DGCR8: variants seen among roughly 807,000 people sequenced by gnomAD.
The protein encoded by DGCR8 is DGCR8 microprocessor complex subunit.
A neutral mutation model predicts 78.5 loss-of-function variants in DGCR8; 14 were observed. That is an observed-to-expected ratio of 0.18 (90% CI 0.12 to 0.28). DGCR8 has a LOEUF of 0.28. Ranked by LOEUF, DGCR8 falls within the 10% of genes least tolerant of loss-of-function variation. The pLI, the probability that DGCR8 is intolerant of heterozygous loss-of-function variation, is 1.00. For missense variants in DGCR8, 702 were observed against 1,022.5 expected, an observed-to-expected ratio of 0.69 and a Z score of 4.28; for synonymous variants, 399 against 402.4, an observed-to-expected ratio of 0.99 and a Z score of 0.10.
At chr22:20,107,080 C>T (rs1200722752) in intron 11 of DGCR8, 191 bp from the exon 12 acceptor site, 1 of 632,364 alleles carries the variant, frequency 1.6e-6, no homozygotes, top group African/African-American at 1.8e-5. Flanking sequence ...CTGAGGGCCA[C>T]TCTCTCAAGG....
At position 20,111,311 on chromosome 22, in the gene DGCR8, C is replaced by G; in HGVS notation, c.*1203C>G. 2.5e-6 allele frequency: 1 copy of G among 397,960 alleles called. No homozygotes were observed. Among genetic ancestry groups the G allele is most frequent in the East Asian group, 3.6e-5 (1 of 28,040 alleles). The allele number at this position is 397,960 out of a possible 1,614,324, so 24.7% of individuals were successfully genotyped here. On this transcript the variant is annotated 3_prime_UTR_variant, in exon 14 of 14. Transcript: ENST00000351989. ...TGCGCCATCTGAAGCAAGAGTCCAG[C>G]GTTCTGCCGTGTCTGTCCCCCACCA...
intron 1 of DGCR8, among the ~76,000 whole-genome samples, chr22:20,081,295 C>CG (rs1744752227): frequency 6.6e-6 from 1 of 152,250 alleles, no homozygotes; most frequent in South Asian, 2.1e-4. Flanking sequence ...GCCAGTGCCT[C>CG]TGTTAGCCAA....
intron 9 of DGCR8, among the ~76,000 whole-genome samples, chr22:20,104,461 C>T (rs899152552): frequency 6.6e-6 from 1 of 152,172 alleles, no homozygotes; most frequent in East Asian, 1.9e-4. Flanking sequence ...GCCACCGCGC[C>T]CGGCTGGCGT....
At chr22:20,095,347 C>G (rs2147927784) in intron 9 of DGCR8, among the ~76,000 whole-genome samples, 1 of 152,256 alleles carries the variant, frequency 6.6e-6, no homozygotes, top group African/African-American at 2.4e-5. Context: ...CTCGGGTGAT[C>G]CACTCGCTTC....
At chr22:20,099,227 T>TA (rs2147931973) in intron 9 of DGCR8, among the ~76,000 whole-genome samples, 1 of 152,316 alleles carries the variant, frequency 6.6e-6, no homozygotes, top group South Asian at 2.1e-4. Context: ...TCTCCAGACA[T>TA]ACGCTAGAGC....
At chr22:20,106,959 C>T (rs952903192) in intron 11 of DGCR8, 8 of 574,612 alleles carry the variant, frequency 1.4e-5, no homozygotes, top group Non-Finnish European at 2.5e-5. Flanking sequence ...CCCTCCTCCT[C>T]GAACAGCCAG....
In DGCR8 at chr22:20,082,766, G is replaced by A. The variant is rs185087741; in HGVS notation, c.-278+2383G>A. On this transcript the variant is annotated intron_variant, in intron 1 of 13. Transcript: ENST00000351989. ...AAAGCAGCTCCATCACTTCCTGGCT[G>A]TATGACCTTGAGCATGTGGGTGAAC... Among the ~76,000 whole-genome samples, 16 of 152,360 alleles carry A rather than the reference G, an allele frequency of 1.1e-4. No homozygotes were observed. The East Asian group carries it at 2.5e-3, about 24-fold the overall frequency.
At chr22:20,093,383 C>T (rs898923778) in intron 8 of DGCR8, among the ~76,000 whole-genome samples, 10 of 150,978 alleles carry the variant, frequency 6.6e-5, no homozygotes, top group South Asian at 4.2e-4. Flanking sequence ...CCAGCCTGGG[C>T]GACAGTGCAA....
Position 20,080,291 on chromosome 22 carries a change from C to G in DGCR8, c.-370C>G. The G allele has an allele frequency of 2.0e-6, 2 of 981,100 alleles. No individual in the cohort carries two copies. The highest frequency in any genetic ancestry group is 2.4e-6 in the Non-Finnish European group (2 of 828,186). 60.8% of individuals were successfully genotyped at this position (981,100 alleles called of 1,614,324 possible). On this transcript the variant is annotated 5_prime_UTR_variant, in exon 1 of 14. Transcript: ENST00000351989. ...GGTGCCGGCGACCGGAGAGCCTGGA[C>G]AGGCTTTCCAGATGGCTGCGGCGGT... is the stretch of plus-strand genomic sequence containing the variant.
At chr22:20,096,094 G>A (rs951266614) in intron 9 of DGCR8, among the ~76,000 whole-genome samples, 4 of 152,130 alleles carry the variant, frequency 2.6e-5, no homozygotes, top group East Asian at 1.9e-4. Context: ...TATGCAGCCC[G>A]GTTCCTAACA....
chr22:20,089,854 A>G lies in DGCR8; in HGVS notation c.1023+43A>G, dbSNP rs2049531133. 1.2e-6 allele frequency: 2 copies of G among 1,609,048 alleles called. No homozygotes were observed. Among genetic ancestry groups the G allele is most frequent in the African/African-American group, 1.3e-5 (1 of 74,684 alleles). ...CGTGACTTTAGGCTTGTAAGTTCTC[A>G]GACCAAAACGTGCACATCCACACAC... On this transcript the variant is annotated intron_variant, in intron 4 of 13. Transcript: ENST00000351989. This position sits in a 1 kb window ranked among gnomAD's most constrained non-coding sequence, Gnocchi z 4.9.
chr22:20,097,377 A>G (rs1268000640), intron 9 of DGCR8, among the ~76,000 whole-genome samples: 1 of 152,068 alleles, frequency 6.6e-6, no homozygotes, highest in African/African-American at 2.4e-5. Flanking sequence ...GAGATTATCT[A>G]TTTCTTCTTG....
chr22:20,105,941 C>G (rs759137211), intron 9 of DGCR8, among the ~76,000 whole-genome samples: 4 of 152,158 alleles, frequency 2.6e-5, no homozygotes, highest in Non-Finnish European at 4.4e-5. Context: ...ATACCAGACT[C>G]CATCCCACAG....
chr22:20,100,813 G>A (rs913854732), intron 9 of DGCR8: 60 of 985,194 alleles, frequency 6.1e-5, no homozygotes, highest in Non-Finnish European at 7.0e-5. Flanking sequence ...CCCCTACTCC[G>A]ATCCTCCCAC....
chr22:20,099,021 T>TC (rs2049663899), intron 9 of DGCR8, among the ~76,000 whole-genome samples: 2 of 152,206 alleles, frequency 1.3e-5, no homozygotes, highest in African/African-American at 4.8e-5. Flanking sequence ...AGCTGAGTGG[T>TC]CTCCTGATGC....
Position 20,110,363 on chromosome 22 carries a change from G to A in DGCR8, c.*255G>A, listed in dbSNP as rs962335974. 1.2e-5 allele frequency: 6 copies of A among 506,362 alleles called. No individual in the cohort carries two copies. The highest frequency in any genetic ancestry group is 1.2e-4 in the African/African-American group (6 of 51,724). The allele number at this position is 506,362 out of a possible 1,614,324, so 31.4% of individuals were successfully genotyped here. On this transcript the variant is annotated 3_prime_UTR_variant, in exon 14 of 14. Transcript: ENST00000351989. ...GGACTCAGCGACTGCACCAGTGGCA[G>A]CTGGTGACTGTGGACAGTGGTGGAC...
rs185111027 is a variant in DGCR8 at position 20,090,069 on chromosome 22, A to G, written c.1117A>G (p.Ser373Gly). Reference protein sequence around the residue: ...EREQSSDLTPSGDVSPVKPLS... With the variant: ...EREQSSDLTPGGDVSPVKPLS... ...GGAGCAAAGCAGTGACCTCACCCCTAGTGGGGATGTGTCCCCCGTCAAGCC... is the reference window on the plus strand; with the variant it reads ...GGAGCAAAGCAGTGACCTCACCCCTGGTGGGGATGTGTCCCCCGTCAAGCC... Residue 373 changes from serine to glycine, a missense_variant, in exon 5 of 14, where the codon AGT becomes GGT. Ser to Gly is a moderately conservative substitution (Grantham distance 56). This residue lies in a region of DGCR8 where 119 missense variants were observed against 126.1 expected (regional missense o/e 0.94). Transcript: ENST00000351989. The G allele has an allele frequency of 3.1e-6, 5 of 1,614,224 alleles. No homozygotes were observed. The African/African-American group carries it at 6.7e-5, about 22-fold the overall frequency.
chr22:20,095,601 A>G (rs898349322), intron 9 of DGCR8, among the ~76,000 whole-genome samples: 2 of 152,168 alleles, frequency 1.3e-5, no homozygotes, highest in Admixed American at 6.5e-5. Context: ...ACATATTACT[A>G]CATCTGTCCC....
At chr22:20,107,944 C>T (rs1314971777) in intron 12 of DGCR8, 1 of 156,374 alleles carries the variant, frequency 6.4e-6, no homozygotes. Context: ...TCATTTTCCT[C>T]AAATGATTAC....
Sources: allele counts gnomAD v4.1 joint callset (sites outside exome capture counted in the v4.1 genomes callset), GRCh38; gene constraint gnomAD v4.1.1; regional missense constraint gnomAD v4.1.1; non-coding constraint Gnocchi (gnomAD v3.1); transcripts MANE v1.5; gene names NCBI Gene and HGNC (gene_info 2026-07-23, HGNC 2026-07-21).